HGF: variants seen among roughly 807,000 people sequenced by gnomAD.
The protein encoded by HGF is fibroblast-derived tumor cytotoxic factor.
HGF carries 39 observed loss-of-function variants against 111.6 expected under a neutral mutation model. That is an observed-to-expected ratio of 0.35 (90% CI 0.27 to 0.46). The LOEUF is 0.46. Ranked by LOEUF, HGF falls within the 20% of genes least tolerant of loss-of-function variation. The pLI is 1.00. For missense variants in HGF, 735 were observed against 910.5 expected (o/e 0.81, Z 2.48); for synonymous variants, 285 against 294.8 (o/e 0.97, Z 0.34).
chr7:81,736,894 G>GGTGTGTGTGTGTGTGTGTGTGT (rs368271908), intron 7 of HGF, among the ~76,000 whole-genome samples: 34 of 142,050 alleles, frequency 2.4e-4, no homozygotes, highest in Middle Eastern at 3.5e-3. Flanking sequence ...TGTGTAGAGG[G>GGTGTGTGTGTGTGTGTGTGTGT]GTGTGTGTGT....
intron 13 of HGF, among the ~76,000 whole-genome samples, 171 bp downstream of exon 13, chr7:81,709,976 T>A (rs1311747386): frequency 6.6e-6 from 1 of 152,128 alleles, no homozygotes; most frequent in East Asian, 1.9e-4. Flanking sequence ...CAAATTATAG[T>A]CCAGAGCTTA....
intron 1 of HGF, among the ~76,000 whole-genome samples, chr7:81,763,418 A>C (rs1789201213): frequency 6.6e-6 from 1 of 152,116 alleles, no homozygotes. Flanking sequence ...TTAGTGCATA[A>C]ATGTTTTCTG....
chr7:81,721,111 G>T (rs1010605667), intron 9 of HGF, among the ~76,000 whole-genome samples: 1 of 152,144 alleles, frequency 6.6e-6, no homozygotes, highest in African/African-American at 2.4e-5. Context: ...GCCAGGCGTG[G>T]TGGTGGGCGC....
rs558400339 is a variant in HGF at position 81,759,526 on chromosome 7, A to G, written c.255-722T>C. Among the ~76,000 whole-genome samples, 10 of 152,196 alleles carry G rather than the reference A, an allele frequency of 6.6e-5. No individual in the cohort carries two copies. The East Asian group carries it at 1.5e-3, about 24-fold the overall frequency. ...CATTTTTTGTTTTTTTGTTTTTGAG[A>G]CAGAGTCTCACACTGTCGCCCAGGC... On this transcript the variant is annotated intron_variant, in intron 2 of 17. Transcript: ENST00000222390.
intron 7 of HGF, among the ~76,000 whole-genome samples, chr7:81,735,182 T>A (rs1478395421): frequency 6.6e-6 from 1 of 152,050 alleles, no homozygotes; most frequent in East Asian, 1.9e-4. Context: ...AGTAAAGACC[T>A]CCAAAATATG....
chr7:81,765,630 T>A (rs1789320994), intron 1 of HGF, among the ~76,000 whole-genome samples: 2 of 152,136 alleles, frequency 1.3e-5, no homozygotes, highest in South Asian at 4.1e-4. Context: ...CTCAAAAATA[T>A]GAAGTTGGAG....
rs1789241565 is a variant in HGF, at chr7:81,699,976, C to T, written c.*2605G>A. ...GAAGTATACAAAAGGATTATCATTC[C>T]TTCTGCACGGCAGAGGCATTATGAA... On this transcript the variant is annotated 3_prime_UTR_variant, in exon 18 of 18. Transcript: ENST00000222390. 3 of 151,808 alleles carry T rather than the reference C, an allele frequency of 2.0e-5. No individual in the cohort carries two copies. Among genetic ancestry groups the T allele is most frequent in the African/African-American group, 2.4e-5 (1 of 41,542 alleles). 9.4% of individuals were successfully genotyped at this position (151,808 alleles called of 1,614,324 possible).
At chr7:81,744,285 T>C (rs1788132304) in intron 6 of HGF, among the ~76,000 whole-genome samples, 1 of 139,404 alleles carries the variant, frequency 7.2e-6, no homozygotes, top group Admixed American at 7.8e-5. Context: ...GTAAAATACA[T>C]GGGCAAAAGT....
Position 81,752,204 on chromosome 7 carries a change from G to T in HGF, c.541C>A (p.Arg181=), listed in dbSNP as rs771720187. Residue 181 remains arginine (R), a synonymous_variant, in exon 5 of 18, where the codon CGA becomes AGA. Transcript: ENST00000222390. ...CACCAGGGTCCCCCTTCTTCCCCTC[G>T]AGGATTTCGACAGTAGTTTTCCTGT... is the stretch of plus-strand genomic sequence containing the variant. ...DLQENYCRNP[R]GEEGGPWCFT... 3 of 1,613,466 alleles carry T rather than the reference G, an allele frequency of 1.9e-6. No individual in the cohort carries two copies. The highest frequency in any genetic ancestry group is 2.5e-6 in the Non-Finnish European group (3 of 1,179,550).
At chr7:81,710,396 G>A (rs993179654) in intron 12 of HGF, among the ~76,000 whole-genome samples, 153 bp from the exon 13 acceptor site, 12 of 152,010 alleles carry the variant, frequency 7.9e-5, no homozygotes, top group African/African-American at 2.2e-4. Context: ...TAATATGACC[G>A]CAGCATTATA....
chr7:81,735,872 A>G (rs1787808513), intron 7 of HGF, among the ~76,000 whole-genome samples: 1 of 152,078 alleles, frequency 6.6e-6, no homozygotes, highest in African/African-American at 2.4e-5. Context: ...CTATGTCCTT[A>G]CATGGTAGAA....
At chr7:81,763,756 A>G (rs1789218136) in intron 1 of HGF, among the ~76,000 whole-genome samples, 1 of 152,136 alleles carries the variant, frequency 6.6e-6, no homozygotes, top group Non-Finnish European at 1.5e-5. Flanking sequence ...GAGTGCAGCT[A>G]TTGTGTAATA....
intron 7 of HGF, among the ~76,000 whole-genome samples, chr7:81,730,001 G>T (rs1439279930): frequency 2.0e-5 from 3 of 151,794 alleles, no homozygotes; most frequent in Non-Finnish European, 4.4e-5. Context: ...TTCTTGAAAA[G>T]TTACTTAAAT....
At chr7:81,729,559 T>A in intron 8 of HGF, 46 bp downstream of exon 8, 1 of 1,440,648 alleles carries the variant, frequency 6.9e-7, no homozygotes, top group African/African-American at 1.4e-5. Context: ...TACCTCATTT[T>A]CCCCAGGGCC....
intron 2 of HGF, among the ~76,000 whole-genome samples, chr7:81,759,751 G>T (rs1455846011): frequency 6.6e-6 from 1 of 151,926 alleles, no homozygotes; most frequent in Non-Finnish European, 1.5e-5. Flanking sequence ...TGATCTACCC[G>T]CCTCGGCCTC....
At chr7:81,758,370 T>A (rs1478890800) in intron 3 of HGF, among the ~76,000 whole-genome samples, 1 of 152,018 alleles carries the variant, frequency 6.6e-6, no homozygotes, top group Non-Finnish European at 1.5e-5. Context: ...TTAAACTTTA[T>A]AATGAAAGAA....
At chr7:81,744,379 G>A (rs1008296295) in intron 6 of HGF, among the ~76,000 whole-genome samples, 2 of 151,256 alleles carry the variant, frequency 1.3e-5, no homozygotes, top group African/African-American at 4.9e-5. Flanking sequence ...AGATAGATTA[G>A]TTGCCTGACT....
chr7:81,753,152 G>C (rs761085923), intron 4 of HGF, among the ~76,000 whole-genome samples: 27 of 151,988 alleles, frequency 1.8e-4, no homozygotes, highest in Non-Finnish European at 3.2e-4. Context: ...AAAATTTCTA[G>C]TGCCCTACTC....
chr7:81,751,910 A>G, intron 5 of HGF: 1 of 1,391,706 alleles, frequency 7.2e-7, no homozygotes, highest in Admixed American at 3.0e-5. Flanking sequence ...ATTCAAACTG[A>G]TAACTCGCTC....
Sources: gnomAD v4.1 joint callset for allele counts (sites outside exome capture counted in the v4.1 genomes callset) on GRCh38, gnomAD v4.1.1 for gene constraint, MANE v1.5 for transcripts, NCBI Gene and HGNC (gene_info 2026-07-23, HGNC 2026-07-21) for gene names.